Variants in SRGAP2C observed in about 807,000 individuals in gnomAD.
The protein encoded by SRGAP2C is SLIT-ROBO Rho GTPase-activating protein 2C.
A neutral mutation model predicts 25.1 loss-of-function variants in SRGAP2C; 15 were observed. The ratio of observed to expected loss-of-function variants is 0.60; its 90% CI spans 0.40 to 0.92. SRGAP2C has a LOEUF of 0.92. Ranked by LOEUF, SRGAP2C falls within the 40% of genes least tolerant of loss-of-function variation. SRGAP2C has a pLI of 0.00. For synonymous variants in SRGAP2C, 44 were observed against 96.6 expected (o/e 0.46, Z 3.19); for missense variants, 144 against 264.4 (o/e 0.54, Z 3.16).
At chr1:121,289,395 C>A (rs1168004116) in intron 3 of SRGAP2C, among the ~76,000 whole-genome samples, 25 of 151,854 alleles carry the variant, frequency 1.6e-4, no homozygotes, top group Admixed American at 1.3e-4. Context: ...GCTGGCTGCT[C>A]CGAGTGCGGG....
At chr1:121,375,835 G>A (rs1322223844) in intron 7 of SRGAP2C, among the ~76,000 whole-genome samples, 1 of 151,632 alleles carries the variant, frequency 6.6e-6, no homozygotes, top group Non-Finnish European at 1.5e-5. Context: ...AAGGTCCAGA[G>A]GACTACGAGA....
At chr1:121,310,952 C>G (rs1171174698) in intron 3 of SRGAP2C, among the ~76,000 whole-genome samples, 2 of 22,698 alleles carry the variant, frequency 8.8e-5, no homozygotes, top group Non-Finnish European at 1.7e-4. Context: ...TTTTCCAATT[C>G]TGTGAAGAAA....
intron 7 of SRGAP2C, among the ~76,000 whole-genome samples, chr1:121,375,812 G>A (rs587679643): frequency 6.6e-6 from 1 of 151,822 alleles, no homozygotes; most frequent in Non-Finnish European, 1.5e-5. Context: ...CCAGTTGCTA[G>A]ATAAGGAAGC....
intron 8 of SRGAP2C, among the ~76,000 whole-genome samples, chr1:121,385,989 G>A (rs1246766920): frequency 3.9e-4 from 56 of 144,862 alleles, no homozygotes; most frequent in African/African-American, 1.3e-3. Flanking sequence ...CATAGGCAAC[G>A]AACTTGTTCC....
chr1:121,378,932 C>T (rs587735964), intron 7 of SRGAP2C, among the ~76,000 whole-genome samples: 2 of 152,290 alleles, frequency 1.3e-5, no homozygotes, highest in Non-Finnish European at 2.9e-5. Context: ...TGACTTCAGG[C>T]CAAAAAGACG....
chr1:121,203,112 T>A, intron 2 of SRGAP2C, among the ~76,000 whole-genome samples: 2 of 152,216 alleles, frequency 1.3e-5, no homozygotes, highest in South Asian at 4.2e-4. Flanking sequence ...CAGGATGACA[T>A]GCCTTCATGA....
At chr1:121,216,475 G>A in intron 2 of SRGAP2C, among the ~76,000 whole-genome samples, 1 of 151,544 alleles carries the variant, frequency 6.6e-6, no homozygotes, top group South Asian at 2.1e-4. Context: ...AAAAGACAAT[G>A]TATTTTAAAG....
chr1:121,306,324 G>A (rs1188262363), intron 3 of SRGAP2C, among the ~76,000 whole-genome samples: 1 of 135,868 alleles, frequency 7.4e-6, no homozygotes, highest in African/African-American at 2.8e-5. Flanking sequence ...CTCATTCTGG[G>A]AATTTGCCAA....
intron 3 of SRGAP2C, among the ~76,000 whole-genome samples, chr1:121,314,304 G>A (rs1658041736): frequency 1.3e-5 from 2 of 148,328 alleles, no homozygotes; most frequent in South Asian, 4.4e-4. Context: ...TCTCTGTATT[G>A]GTTATTCTAG....
intron 2 of SRGAP2C, among the ~76,000 whole-genome samples, chr1:121,265,286 G>A: frequency 9.4e-6 from 1 of 106,702 alleles, no homozygotes. Context: ...TACTTTTATA[G>A]ACTATTATAA....
At chr1:121,271,151 A>T (rs1656947179) in intron 2 of SRGAP2C, among the ~76,000 whole-genome samples, 1 of 150,358 alleles carries the variant, frequency 6.7e-6, no homozygotes, top group Non-Finnish European at 1.5e-5. Flanking sequence ...AACCACTAAT[A>T]AGTTTCATCT....
intron 2 of SRGAP2C, among the ~76,000 whole-genome samples, chr1:121,218,624 G>A (rs1274397570): frequency 8.1e-5 from 12 of 148,852 alleles, no homozygotes; most frequent in East Asian, 1.9e-4. Context: ...GCAGGTGCCC[G>A]TAATCCCAGC....
intron 4 of SRGAP2C, among the ~76,000 whole-genome samples, chr1:121,349,107 A>G (rs1476222356): frequency 6.9e-6 from 1 of 145,768 alleles, no homozygotes; most frequent in East Asian, 2.1e-4. Flanking sequence ...TCGAATGCCA[A>G]ACTTGGAGTT....
At chr1:121,222,776 T>C (rs1553325905) in intron 2 of SRGAP2C, among the ~76,000 whole-genome samples, 1 of 152,116 alleles carries the variant, frequency 6.6e-6, no homozygotes, top group African/African-American at 2.4e-5. Context: ...CTTGTTTTCA[T>C]TTATGCAGAC....
At chr1:121,236,312 TTCA>T (rs1655957535) in intron 2 of SRGAP2C, among the ~76,000 whole-genome samples, 1 of 151,698 alleles carries the variant, frequency 6.6e-6, no homozygotes, top group Non-Finnish European at 1.5e-5. Flanking sequence ...CTTACAAAGA[TTCA>T]TCTCTTGAGA....
At chr1:121,275,693 C>T (rs1376662558) in intron 2 of SRGAP2C, among the ~76,000 whole-genome samples, 11 of 151,300 alleles carry the variant, frequency 7.3e-5, no homozygotes, top group African/African-American at 2.4e-4. Flanking sequence ...TCTGTGCATT[C>T]ACTTGGGGCT....
intron 2 of SRGAP2C, among the ~76,000 whole-genome samples, chr1:121,271,593 T>C (rs1185898816): frequency 6.8e-6 from 1 of 148,058 alleles, no homozygotes; most frequent in Non-Finnish European, 1.5e-5. Flanking sequence ...TTCCACAGCT[T>C]TTCAAACTGC....
chr1:121,319,369 CT>C (rs1367544803), intron 3 of SRGAP2C, among the ~76,000 whole-genome samples: 3 of 150,382 alleles, frequency 2.0e-5, no homozygotes, highest in African/African-American at 7.3e-5. Context: ...TACAGCCATA[CT>C]TTGAAGATCT....
intron 2 of SRGAP2C, among the ~76,000 whole-genome samples, chr1:121,268,033 T>C (rs1308859893): frequency 3.4e-5 from 5 of 146,224 alleles, no homozygotes; most frequent in Non-Finnish European, 7.6e-5. Flanking sequence ...GCTTACTCTA[T>C]GTGAGGCACT....
Sources: gnomAD v4.1 joint callset for allele counts (sites outside exome capture counted in the v4.1 genomes callset) on GRCh38, gnomAD v4.1.1 for gene constraint, MANE v1.5 for transcripts, NCBI Gene and HGNC (gene_info 2026-07-23, HGNC 2026-07-21) for gene names.